The following IL12RB2 variants were observed in gnomAD, a reference collection of about 807,000 sequenced individuals.
The protein encoded by IL12RB2 is interleukin 12 receptor subunit beta 2.
In IL12RB2, 82 loss-of-function variants were observed where a neutral mutation model predicts 89.4. That is an observed-to-expected ratio of 0.92 (90% confidence interval 0.77 to 1.10). The LOEUF (loss-of-function observed/expected upper bound fraction) is 1.10. Among genes scored for constraint, IL12RB2 ranks in the 50% least tolerant of loss-of-function variants. IL12RB2 has a pLI of 0.00. For missense variants in IL12RB2, 963 were observed against 1,031.9 expected, an observed-to-expected ratio of 0.93 and a Z score of 0.92; for synonymous variants, 368 against 370.1, an observed-to-expected ratio of 0.99 and a Z score of 0.07.
chr1:67,326,789 C>T lies in IL12RB2; in HGVS notation c.419C>T (p.Thr140Ile). The T allele has an allele frequency of 1.9e-6, 3 of 1,613,916 alleles. No individual in the cohort carries two copies. Among genetic ancestry groups the T allele is most frequent in the Non-Finnish European group, 2.5e-6 (3 of 1,179,922 alleles). ...TGCATACAGAAGGGAGAACAGGGGA[C>T]TGTGGCCTGCACCTGGGAAAGAGGA... ...LSCIQKGEQG[T>I]VACTWERGRD... The change falls in exon 5 of 17, where the codon ACT becomes ATT. Residue 140 changes from threonine (T) to isoleucine (I), a missense_variant. Coordinates refer to ENST00000674203, the MANE Select transcript of IL12RB2 (RefSeq NM_001374259.2).
chr1:67,315,258 T>G (rs1569698728), intron 2 of IL12RB2, among the ~76,000 whole-genome samples: 1 of 152,060 alleles, frequency 6.6e-6, no homozygotes, highest in East Asian at 1.9e-4. Flanking sequence ...TGAAAACATA[T>G]TTCATATATA....
intron 9 of IL12RB2, among the ~76,000 whole-genome samples, 195 bp from the exon 10 acceptor site, chr1:67,350,675 A>AT (rs1187422554): frequency 6.6e-6 from 1 of 152,316 alleles, no homozygotes; most frequent in South Asian, 2.1e-4. Flanking sequence ...ACGTTAACTG[A>AT]TTTTTTATTT....
chr1:67,395,270 G>GA lies in IL12RB2; in HGVS notation c.2047-263dup, dbSNP rs577998192. Reference sequence around the variant, plus strand: ...GTGACAGAAGGCGACTTCGTCTCAAGAAAAAAAAAAAAAAGAAAGAAAGAA... The same window carrying GA: ...GTGACAGAAGGCGACTTCGTCTCAAGAAAAAAAAAAAAAAAGAAAGAAAGAA... On this transcript the variant is annotated intron_variant, in intron 16 of 16. Transcript: ENST00000674203. Among the ~76,000 whole-genome samples, 1,029 of 126,806 alleles carry GA rather than the reference G, an allele frequency of 8.1e-3. 4 individuals carry two copies. The highest frequency in any genetic ancestry group is 0.037 in the South Asian group (147 of 3,986). The allele number at this position is 126,806 out of a possible 152,430, so 83.2% of individuals were successfully genotyped here. A position where few individuals can be genotyped will look rare whatever the true frequency, so the allele number is the denominator to read the frequency against.
chr1:67,358,952 G>A (rs1234735890), intron 10 of IL12RB2, among the ~76,000 whole-genome samples: 1 of 152,096 alleles, frequency 6.6e-6, no homozygotes, highest in Non-Finnish European at 1.5e-5. Context: ...GACCAGCCTG[G>A]CCAACATTGT....
At position 67,338,702 on chromosome 1, in the gene IL12RB2, A is replaced by T; in HGVS notation, c.1037A>T (p.Lys346Met). ...YSRQQISLFW[K>M]NLSVSEARGK... is the part of the protein sequence containing the mutation. ...AGACAACAGATTTCTCTTTTCTGGAAGGTGAGTTTTAAGCGTCAACTTAAA... is the reference window on the plus strand; with the variant it reads ...AGACAACAGATTTCTCTTTTCTGGATGGTGAGTTTTAAGCGTCAACTTAAA... The change falls in exon 9 of 17, where the codon AAG becomes ATG. Residue 346 changes from lysine (K) to methionine (M), a missense_variant and splice_region_variant. Transcript: ENST00000674203. 1 of 1,475,832 alleles carries T rather than the reference A, an allele frequency of 6.8e-7. No individual in the cohort carries two copies. Among genetic ancestry groups the T allele is most frequent in the Non-Finnish European group, 9.5e-7 (1 of 1,053,798 alleles). 91.4% of individuals were successfully genotyped at this position (1,475,832 alleles called of 1,614,324 possible). A position where few individuals can be genotyped will look rare whatever the true frequency, so the allele number is the denominator to read the frequency against.
intron 10 of IL12RB2, among the ~76,000 whole-genome samples, chr1:67,363,075 G>C (rs937520073): frequency 4.7e-5 from 7 of 149,798 alleles, no homozygotes; most frequent in Non-Finnish European, 3.0e-5. Context: ...GTTAATTTTT[G>C]TATTTTTAGT....
In IL12RB2 at chr1:67,374,864, C is replaced by T. The variant is rs540633564; in HGVS notation, c.1717+2081C>T. On this transcript the variant is annotated intron_variant, in intron 13 of 16. Transcript: ENST00000674203. ...CTCTTGAGTCTGTTGATTCTTAAAGCTGCTCTTATGGATGTTGAAGAAAAT... is the reference window on the plus strand; with the variant it reads ...CTCTTGAGTCTGTTGATTCTTAAAGTTGCTCTTATGGATGTTGAAGAAAAT... Among the ~76,000 whole-genome samples the T allele has an allele frequency of 5.0e-5, 7 of 138,942 alleles. 1 individual carries two copies. In the South Asian group the frequency reaches 1.7e-3, roughly 33 times the overall value. The allele number at this position is 138,942 out of a possible 152,430, so 91.2% of individuals were successfully genotyped here.
chr1:67,347,140 C>T (rs1051563633), intron 9 of IL12RB2, among the ~76,000 whole-genome samples: 2 of 152,000 alleles, frequency 1.3e-5, no homozygotes, highest in African/African-American at 4.8e-5. Context: ...TGTGGTAGAG[C>T]AAGGAAGCAA....
Position 67,396,188 on chromosome 1 carries a change from C to T in IL12RB2, c.*99C>T. 1 of 822,732 alleles carries T rather than the reference C, an allele frequency of 1.2e-6. No individual in the cohort carries two copies. The highest frequency in any genetic ancestry group is 1.3e-5 in the South Asian group (1 of 75,018). 51.0% of individuals were successfully genotyped at this position (822,732 alleles called of 1,614,324 possible). ...CTCCAGCAGCTGTCATCTCTGGGTG[C>T]CACCATCGGTCTGGCTGCAGCTAGA... is the stretch of plus-strand genomic sequence containing the variant. On this transcript the variant is annotated 3_prime_UTR_variant, in exon 17 of 17. Transcript: ENST00000674203.
intron 3 of IL12RB2, among the ~76,000 whole-genome samples, chr1:67,320,957 T>C (rs1436133552): frequency 6.9e-6 from 1 of 145,820 alleles, no homozygotes; most frequent in Non-Finnish European, 1.5e-5. Flanking sequence ...GTGTTCTCAT[T>C]GTTCAACTCC....
intron 11 of IL12RB2, 57 bp from the exon 12 acceptor site, chr1:67,372,379 C>A (rs944423382): frequency 4.3e-6 from 4 of 922,322 alleles, no homozygotes; most frequent in Non-Finnish European, 7.3e-6. Flanking sequence ...AAATGGCTCC[C>A]TTTAGTGACT....
intron 9 of IL12RB2, among the ~76,000 whole-genome samples, chr1:67,339,262 G>A (rs1018289168): frequency 2.2e-4 from 33 of 152,146 alleles, no homozygotes; most frequent in African/African-American, 6.8e-4. Flanking sequence ...CAAGGCAGGC[G>A]GATCACTTGA....
At position 67,321,763 on chromosome 1, in the gene IL12RB2, C is replaced by G; in HGVS notation, c.238C>G (p.His80Asp). Residue 80 changes from histidine (H) to aspartate (D), a missense_variant, in exon 4 of 17, where the codon CAC (histidine) becomes GAC (aspartate). By Grantham distance (81) the His-to-Asp change is moderately conservative (BLOSUM62 -1). Coordinates refer to ENST00000674203, the MANE Select transcript of IL12RB2 (RefSeq NM_001374259.2). ...LYKFDRRINF[H>D]HGHSLNSQVT... Reference sequence around the variant, plus strand: ...CAAGTTTGACAGAAGAATCAATTTTCACCATGGCCACTCCCTCAATTCTCA... The same window carrying G: ...CAAGTTTGACAGAAGAATCAATTTTGACCATGGCCACTCCCTCAATTCTCA... 1 of 1,611,938 alleles carries G rather than the reference C, an allele frequency of 6.2e-7. No individual in the cohort carries two copies. Among genetic ancestry groups the G allele is most frequent in the East Asian group, 2.2e-5 (1 of 44,854 alleles).
chr1:67,346,830 C>G (rs547446652), intron 9 of IL12RB2, among the ~76,000 whole-genome samples: 3 of 152,228 alleles, frequency 2.0e-5, no homozygotes, highest in South Asian at 4.1e-4. Flanking sequence ...CCATATAGAA[C>G]AGAAGAGTAA....
intron 10 of IL12RB2, among the ~76,000 whole-genome samples, chr1:67,353,639 T>C (rs547668304): frequency 2.0e-5 from 3 of 152,336 alleles, no homozygotes; most frequent in South Asian, 4.1e-4. Context: ...TTAAAAAATA[T>C]CTAGCTGAAT....
chr1:67,350,487 G>C (rs140096734), intron 9 of IL12RB2, among the ~76,000 whole-genome samples: 1 of 152,224 alleles, frequency 6.6e-6, no homozygotes, highest in Non-Finnish European at 1.5e-5. Context: ...AGACTCAGAG[G>C]GGCTGAGTGC....
intron 1 of IL12RB2, among the ~76,000 whole-genome samples, chr1:67,310,184 C>CAAAAAAAAAAAAAAAAAAA: frequency 2.7e-5 from 1 of 36,750 alleles, no homozygotes; most frequent in Non-Finnish European, 6.4e-5. Flanking sequence ...AACTTCATCT[C>CAAAAAAAAAAAAAAAAAAA]AAAAAAAAAA....
At position 67,330,650 on chromosome 1, in the gene IL12RB2, CT is replaced by C. The variant is rs1558308132; in HGVS notation, c.808-9del. On this transcript the variant is annotated splice_polypyrimidine_tract_variant and intron_variant, in intron 7 of 16. Transcript: ENST00000674203. ...ATTAATAGGCACTTTAAAAAAATGT[CT>C]GTTTCAAGGTTAATGTTACAAAGGC... The C allele has an allele frequency of 1.4e-6, 2 of 1,413,084 alleles. No individual in the cohort carries two copies. Among genetic ancestry groups the C allele is most frequent in the Admixed American group, 1.7e-5 (1 of 59,490 alleles). 87.5% of individuals were successfully genotyped at this position (1,413,084 alleles called of 1,614,324 possible).
upstream of IL12RB2, chr1:67,307,567 C>T (rs1654418733): frequency 2.0e-5 from 3 of 152,270 alleles, no homozygotes; most frequent in South Asian, 6.2e-4. Context: ...TGAGGGGAAA[C>T]TGACGGTGGA....
Sources: allele counts gnomAD v4.1 joint callset (sites outside exome capture counted in the v4.1 genomes callset), GRCh38; gene constraint gnomAD v4.1.1; transcripts MANE v1.5; gene names NCBI Gene and HGNC (gene_info 2026-07-23, HGNC 2026-07-21).